Variants in HCLS1 observed in about 807,000 individuals in gnomAD.
HCLS1 encodes hematopoietic cell-specific Lyn substrate 1.
HCLS1 carries 44 observed loss-of-function variants against 68.6 expected under a neutral mutation model. The observed-to-expected ratio is 0.64, with a 90% CI of 0.50 to 0.82. HCLS1 has a LOEUF of 0.82. Ranked by LOEUF, HCLS1 falls within the 40% of genes least tolerant of loss-of-function variation. The pLI, the probability that HCLS1 is intolerant of heterozygous loss-of-function variation, is 0.00. For missense variants in HCLS1, 602 were observed against 612.1 expected (o/e 0.98, Z 0.17); for synonymous variants, 217 against 225.8 (o/e 0.96, Z 0.35).
chr3:121,631,757 T>C lies in HCLS1; in HGVS notation c.*89A>G. 2 of 1,426,894 alleles carry C rather than the reference T, an allele frequency of 1.4e-6. No homozygotes were observed. The highest frequency in any genetic ancestry group is 1.9e-6 in the Non-Finnish European group (2 of 1,025,882). The allele number at this position is 1,426,894 out of a possible 1,614,324, so 88.4% of individuals were successfully genotyped here. ...AAGTCTGTCCAGAACCTCATCTGGT[T>C]AGACATTTGCAGCAGGAATAGGGAG... On this transcript the variant is annotated 3_prime_UTR_variant, in exon 14 of 14. Coordinates refer to ENST00000314583, the MANE Select transcript of HCLS1 (RefSeq NM_005335.6).
At position 121,632,086 on chromosome 3, in the gene HCLS1, C is replaced by G. The variant is rs2049102926; in HGVS notation, c.1324+15G>C. 1 of 1,613,812 alleles carries G rather than the reference C, an allele frequency of 6.2e-7. No homozygotes were observed. The highest frequency in any genetic ancestry group is 1.7e-4 in the Middle Eastern group (1 of 6,060). ...GCCTCCATGTACCAGGCTCCTCGGG[C>G]CACTCCCAACCTACCTCCTTGGTAA... On this transcript the variant is annotated intron_variant, in intron 13 of 13. Coordinates refer to ENST00000314583, the MANE Select transcript of HCLS1 (RefSeq NM_005335.6).
Position 121,642,996 on chromosome 3 carries a change from A to G in HCLS1, c.400-15T>C. ...CCGACTGCTGACTACAGAGAAGAGGAGACAGAATTGGTTAGAGTCAGAGCT... is the reference window on the plus strand; with the variant it reads ...CCGACTGCTGACTACAGAGAAGAGGGGACAGAATTGGTTAGAGTCAGAGCT... On this transcript the variant is annotated splice_polypyrimidine_tract_variant and intron_variant, in intron 5 of 13. Transcript: ENST00000314583. 1 of 1,609,942 alleles carries G rather than the reference A, an allele frequency of 6.2e-7. No homozygotes were observed. The highest frequency in any genetic ancestry group is 8.5e-7 in the Non-Finnish European group (1 of 1,176,450).
chr3:121,643,691 G>C (rs1206943311), intron 5 of HCLS1: 2 of 152,204 alleles, frequency 1.3e-5, no homozygotes, highest in African/African-American at 4.8e-5. Context: ...TCTGGCTCAG[G>C]AACTATGGGT....
chr3:121,657,445 G>T, intron 2 of HCLS1, 93 bp from the exon 3 acceptor site: 2 of 1,055,446 alleles, frequency 1.9e-6, no homozygotes, highest in African/African-American at 1.6e-5. Flanking sequence ...CATGTCCCCT[G>T]TGTCCACTGC....
chr3:121,657,357 A>G lies in HCLS1; in HGVS notation c.85-5T>C. The G allele has an allele frequency of 1.2e-6, 2 of 1,614,004 alleles. No homozygotes were observed. Among genetic ancestry groups the G allele is most frequent in the Admixed American group, 1.7e-5 (1 of 60,016 alleles). ...CTCCTTTTCAGAGATGTCATTCTGC[A>G]AACGACAGCACGCAGTAATACATGA... On this transcript the variant is annotated splice_region_variant and splice_polypyrimidine_tract_variant and intron_variant, in intron 2 of 13. Transcript: ENST00000314583.
chr3:121,632,641 C>G, intron 11 of HCLS1, 78 bp from the exon 12 acceptor site: 2 of 1,246,056 alleles, frequency 1.6e-6, no homozygotes, highest in South Asian at 2.7e-5. Flanking sequence ...GATCCCCCGC[C>G]CTTCACCACC....
chr3:121,636,600 T>C (rs2049153438), intron 7 of HCLS1, 111 bp from the exon 8 acceptor site: 1 of 842,552 alleles, frequency 1.2e-6, no homozygotes, highest in Admixed American at 1.9e-5. Context: ...TAGGAGGAAA[T>C]GTGAGAATCA....
rs766009848 is a variant in HCLS1, at chr3:121,635,775, G to A, written c.651C>T (p.Ala217=). ...KSAVGFNEME[A]PTTAYKKTTP... is the part of the protein sequence containing the mutation. ...TCGTCTTCTTATAAGCTGTGGTCGG[G>A]GCCTCCATTTCATTGAAGCCGACAG... is the stretch of plus-strand genomic sequence containing the variant. The change falls in exon 9 of 14, where the codon GCC becomes GCT. Residue 217 remains alanine, a synonymous_variant. Transcript: ENST00000314583. 6.2e-7 allele frequency: 1 copy of A among 1,614,106 alleles called. No homozygotes were observed. Among genetic ancestry groups the A allele is most frequent in the South Asian group, 1.1e-5 (1 of 91,074 alleles).
At position 121,645,060 on chromosome 3, in the gene HCLS1, G is replaced by T. The variant is rs1210540890; in HGVS notation, c.289-132C>A. 2.6e-5 allele frequency: 18 copies of T among 680,994 alleles called. No homozygotes were observed. The East Asian group carries it at 2.7e-4, about 10-fold the overall frequency. 42.2% of individuals were successfully genotyped at this position (680,994 alleles called of 1,614,324 possible). On this transcript the variant is annotated intron_variant, in intron 4 of 13. Transcript: ENST00000314583. ...CAGATCTATAGCCTCTGACAGTGGT[G>T]CCAAGGAATACGCGATGGGAGAGCA... is the stretch of plus-strand genomic sequence containing the variant.
chr3:121,634,550 G>A (rs1018860219), intron 9 of HCLS1, 132 bp from the exon 10 acceptor site: 103 of 815,064 alleles, frequency 1.3e-4, no homozygotes, highest in Non-Finnish European at 1.9e-4. Context: ...TGGTAAAGAG[G>A]TATCGATAGA....
Position 121,636,003 on chromosome 3 carries a change from C to G in HCLS1, c.622-199G>C, listed in dbSNP as rs942087826. Among the ~76,000 whole-genome samples, 3 of 152,320 alleles carry G rather than the reference C, an allele frequency of 2.0e-5. No individual in the cohort carries two copies. In the East Asian group the frequency reaches 5.8e-4, roughly 29 times the overall value. On this transcript the variant is annotated intron_variant, in intron 8 of 13. Coordinates refer to ENST00000314583, the MANE Select transcript of HCLS1 (RefSeq NM_005335.6). ...TCTTAAGTGCTGAGTTCAGCTCCCC[C>G]TTTCAGCAGCTCAGTGACCTTAGAA...
chr3:121,645,046 C>A, intron 4 of HCLS1, 118 bp from the exon 5 acceptor site: 1 of 743,094 alleles, frequency 1.3e-6, no homozygotes, highest in Non-Finnish European at 2.3e-6. Context: ...AGATCTATAG[C>A]CTCTGACAGT....
chr3:121,657,426 C>T (rs984170424), intron 2 of HCLS1, 74 bp from the exon 3 acceptor site: 8 of 1,265,476 alleles, frequency 6.3e-6, no homozygotes, highest in Admixed American at 1.7e-5. Context: ...CCAACTGACA[C>T]ATGCCCTCCA....
At chr3:121,649,589 T>C (rs918636757) in intron 3 of HCLS1, among the ~76,000 whole-genome samples, 24 of 152,292 alleles carry the variant, frequency 1.6e-4, no homozygotes, top group South Asian at 4.1e-4. Context: ...ACTAAACAAC[T>C]TTTAAGTGTG....
chr3:121,649,321 C>T (rs547329763), intron 3 of HCLS1, among the ~76,000 whole-genome samples: 16 of 152,194 alleles, frequency 1.1e-4, no homozygotes, highest in East Asian at 5.8e-4. Flanking sequence ...CTGTAATCTC[C>T]GCCTCCCGGG....
chr3:121,645,878 ATATATT>A (rs1001889862), intron 4 of HCLS1, among the ~76,000 whole-genome samples: 1 of 144,850 alleles, frequency 6.9e-6, no homozygotes, highest in African/African-American at 2.5e-5. Context: ...TGAATAAACT[ATATATT>A]TATAATATAA....
In HCLS1 at chr3:121,633,030, T is replaced by A. The variant is rs754818917; in HGVS notation, c.1008+37A>T. The A allele has an allele frequency of 2.2e-6, 3 of 1,386,640 alleles. No homozygotes were observed. The South Asian group carries it at 3.5e-5, about 16-fold the overall frequency. 85.9% of individuals were successfully genotyped at this position (1,386,640 alleles called of 1,614,324 possible). A position where few individuals can be genotyped will look rare whatever the true frequency, so the allele number is the denominator to read the frequency against. ...CCCACATTCCTAAGACTCGAGAAGA[T>A]GGGGTGGGGGCAGAGAATCTTTGGG... On this transcript the variant is annotated intron_variant, in intron 11 of 13. Coordinates refer to ENST00000314583, the MANE Select transcript of HCLS1 (RefSeq NM_005335.6).
chr3:121,647,386 T>TC lies in HCLS1; in HGVS notation c.220dup (p.Glu74GlyfsTer29). The TC allele has an allele frequency of 6.2e-7, 1 of 1,614,054 alleles. No homozygotes were observed. The highest frequency in any genetic ancestry group is 8.5e-7 in the Non-Finnish European group (1 of 1,179,948). On this transcript the variant is annotated frameshift_variant, in exon 4 of 14. Transcript: ENST00000314583. LOFTEE classifies it high-confidence loss of function. ...GCCATGGGATGCTTTGGGCCCTGAC[T>TC]CCATCTCTTTCTTCCTGAGAACATC...
chr3:121,637,722 G>C (rs1477150862), intron 6 of HCLS1, among the ~76,000 whole-genome samples: 2 of 152,134 alleles, frequency 1.3e-5, no homozygotes, highest in African/African-American at 4.8e-5. Flanking sequence ...ATCACCTGAG[G>C]TCAGGAATTT....
Sources: allele counts gnomAD v4.1 joint callset (sites outside exome capture counted in the v4.1 genomes callset), GRCh38; gene constraint gnomAD v4.1.1; transcripts MANE v1.5; gene names NCBI Gene and HGNC (gene_info 2026-07-23, HGNC 2026-07-21).